RABGAP1L: variants seen among roughly 807,000 people sequenced by gnomAD.
The protein encoded by RABGAP1L is RAB GTPase activating protein 1 like.
A neutral mutation model predicts 137.7 loss-of-function variants in RABGAP1L; 63 were observed. The observed-to-expected ratio is 0.46, with a 90% CI of 0.37 to 0.56. The LOEUF (loss-of-function observed/expected upper bound fraction) is 0.56, where lower values mean the gene tolerates loss of function less well. Ranked by LOEUF, RABGAP1L falls within the 20% of genes least tolerant of loss-of-function variation. The pLI is 0.00. For missense variants in RABGAP1L, 1,095 were observed against 1,244.0 expected (o/e 0.88, Z 1.80); for synonymous variants, 431 against 433.7 (o/e 0.99, Z 0.08).
At chr1:174,419,089 C>G (rs10798312) in intron 13 of RABGAP1L, among the ~76,000 whole-genome samples, 53,558 of 152,008 alleles carry the variant, frequency 0.35, 12,089 homozygotes, top group African/African-American at 0.64. Context: ...TTCCATACCT[C>G]TCTTCATTCA....
intron 17 of RABGAP1L, among the ~76,000 whole-genome samples, chr1:174,712,074 A>T (rs560170649): frequency 6.6e-6 from 1 of 152,318 alleles, no homozygotes; most frequent in East Asian, 1.9e-4. Flanking sequence ...CAAGGTTTGT[A>T]AACACGCCAG....
chr1:174,555,434 TCAC>T (rs1355028841), intron 13 of RABGAP1L, among the ~76,000 whole-genome samples: 1 of 152,206 alleles, frequency 6.6e-6, no homozygotes, highest in Non-Finnish European at 1.5e-5. Flanking sequence ...AATTTATTGA[TCAC>T]CTGGTCTAAT....
chr1:174,346,835 A>G (rs1274937399), intron 11 of RABGAP1L, among the ~76,000 whole-genome samples: 2 of 150,254 alleles, frequency 1.3e-5, no homozygotes, highest in East Asian at 2.0e-4. Context: ...TGTTTTTTCT[A>G]CTTTTTTGAT....
intron 13 of RABGAP1L, among the ~76,000 whole-genome samples, chr1:174,558,301 A>ATGTTT (rs1194567807): frequency 2.0e-5 from 3 of 152,196 alleles, no homozygotes; most frequent in Non-Finnish European, 2.9e-5. Context: ...AAAAGCCATG[A>ATGTTT]TGTTTTCTCT....
At chr1:174,586,866 G>C (rs971436500) in intron 13 of RABGAP1L, among the ~76,000 whole-genome samples, 5 of 152,132 alleles carry the variant, frequency 3.3e-5, no homozygotes, top group African/African-American at 1.2e-4. Flanking sequence ...AAAGTGCTGG[G>C]ATTACAGGTG....
rs957154877 is a variant in RABGAP1L, at chr1:174,321,098, A to G, written c.1465+15971A>G. 5.9e-5 allele frequency among the ~76,000 whole-genome samples: 9 copies of G among 152,074 alleles called. No individual in the cohort carries two copies. The East Asian group carries it at 1.7e-3, about 29-fold the overall frequency. On this transcript the variant is annotated intron_variant, in intron 11 of 25. Coordinates refer to ENST00000681986, the MANE Select transcript of RABGAP1L (RefSeq NM_001366446.1). Reference sequence around the variant, plus strand: ...GCTGCTCTAGGAATGTCTGAATTATATGGTTGTTGATAAGGGATAAAATAA... The same window carrying G: ...GCTGCTCTAGGAATGTCTGAATTATGTGGTTGTTGATAAGGGATAAAATAA...
intron 15 of RABGAP1L, among the ~76,000 whole-genome samples, chr1:174,695,532 A>G (rs1362637074): frequency 6.6e-6 from 1 of 152,128 alleles, no homozygotes; most frequent in East Asian, 1.9e-4. Flanking sequence ...TCTTGAAGTC[A>G]TTGAGCTTCC....
chr1:174,195,776 CTTTCTTTCT>C lies in RABGAP1L; in HGVS notation c.-33-23337_-33-23329del, dbSNP rs1381975529. Among the ~76,000 whole-genome samples, 3 of 95,182 alleles carry C rather than the reference CTTTCTTTCT, an allele frequency of 3.2e-5. No individual in the cohort carries two copies. In the East Asian group the frequency reaches 7.7e-4, roughly 25 times the overall value. The allele number at this position is 95,182 out of a possible 152,430, so 62.4% of individuals were successfully genotyped here. ...CTCTCTTTCTCTCTTTCTCTCTTTCCTTTCTTTCTTTTCTTTCTTTCTTTCTTTCTTTCT... is the reference window on the plus strand; with the variant it reads ...CTCTCTTTCTCTCTTTCTCTCTTTCCTTTCTTTCTTTCTTTCTTTCTTTCT... On this transcript the variant is annotated intron_variant, in intron 1 of 25. Transcript: ENST00000681986.
intron 13 of RABGAP1L, among the ~76,000 whole-genome samples, chr1:174,498,333 T>G (rs2149369413): frequency 6.6e-6 from 1 of 152,318 alleles, no homozygotes; most frequent in South Asian, 2.1e-4. Context: ...TTAGGAATGC[T>G]AATTAATTAA....
chr1:174,541,568 A>C (rs1408307946), intron 13 of RABGAP1L, among the ~76,000 whole-genome samples: 2 of 152,198 alleles, frequency 1.3e-5, no homozygotes, highest in Non-Finnish European at 2.9e-5. Flanking sequence ...CGAGGTCAGG[A>C]GATCGAGACC....
At position 174,250,464 on chromosome 1, in the gene RABGAP1L, T is replaced by G. The variant is rs1237807462; in HGVS notation, c.718-11T>G. Reference sequence around the variant, plus strand: ...CTTTGCCTAATGGTATTTCCTTTTTTATTCTTTTAGGTAAGCAGAATTTTG... The same window carrying G: ...CTTTGCCTAATGGTATTTCCTTTTTGATTCTTTTAGGTAAGCAGAATTTTG... On this transcript the variant is annotated splice_polypyrimidine_tract_variant and intron_variant, in intron 5 of 25. Coordinates refer to ENST00000681986, the MANE Select transcript of RABGAP1L (RefSeq NM_001366446.1). The G allele has an allele frequency of 6.3e-7, 1 of 1,595,784 alleles. No homozygotes were observed. Among genetic ancestry groups the G allele is most frequent in the Admixed American group, 1.7e-5 (1 of 59,034 alleles).
At chr1:174,293,496 C>T (rs1676822401) in intron 10 of RABGAP1L, among the ~76,000 whole-genome samples, 1 of 152,160 alleles carries the variant, frequency 6.6e-6, no homozygotes, top group Non-Finnish European at 1.5e-5. Flanking sequence ...TAAAGCTTTA[C>T]TGGTTGTTAA....
intron 1 of RABGAP1L, among the ~76,000 whole-genome samples, chr1:174,178,104 A>G (rs903736571): frequency 3.9e-5 from 6 of 152,158 alleles, no homozygotes; most frequent in African/African-American, 7.2e-5. Context: ...GATTCTTCCT[A>G]TCCGTGAGTA....
intron 13 of RABGAP1L, among the ~76,000 whole-genome samples, chr1:174,580,082 G>A (rs1200873070): frequency 7.5e-6 from 1 of 133,474 alleles, no homozygotes; most frequent in Non-Finnish European, 1.7e-5. Flanking sequence ...ATTTAATAGT[G>A]GTTTATTATA....
At chr1:174,916,485 C>A (rs945377023) in intron 19 of RABGAP1L, among the ~76,000 whole-genome samples, 1 of 152,060 alleles carries the variant, frequency 6.6e-6, no homozygotes, top group Non-Finnish European at 1.5e-5. Context: ...CATGTCAACC[C>A]AGAGGGGAAA....
At chr1:174,515,639 C>G (rs753901173) in intron 13 of RABGAP1L, among the ~76,000 whole-genome samples, 1 of 152,080 alleles carries the variant, frequency 6.6e-6, no homozygotes, top group Admixed American at 6.5e-5. Flanking sequence ...ACCATACTTA[C>G]GTGTTTCATT....
chr1:174,529,914 G>A (rs1226897930), intron 13 of RABGAP1L, among the ~76,000 whole-genome samples: 3 of 152,104 alleles, frequency 2.0e-5, no homozygotes. Flanking sequence ...ATGGTGGACT[G>A]GGCTGGGTAC....
intron 13 of RABGAP1L, among the ~76,000 whole-genome samples, chr1:174,619,161 T>C (rs1303861758): frequency 2.0e-5 from 3 of 152,160 alleles, no homozygotes; most frequent in Non-Finnish European, 2.9e-5. Flanking sequence ...AATCTACGTG[T>C]GACAGGTGTA....
intron 12 of RABGAP1L, among the ~76,000 whole-genome samples, chr1:174,376,076 A>G (rs1685512402): frequency 6.6e-6 from 1 of 151,798 alleles, no homozygotes; most frequent in Admixed American, 6.6e-5. Flanking sequence ...AAAATAAAGT[A>G]GAGTAAAGTA....
Sources: allele counts gnomAD v4.1 joint callset (sites outside exome capture counted in the v4.1 genomes callset), GRCh38; gene constraint gnomAD v4.1.1; transcripts MANE v1.5; gene names NCBI Gene and HGNC (gene_info 2026-07-23, HGNC 2026-07-21).